ARHGAP18: variants seen among roughly 807,000 people sequenced by gnomAD.
ARHGAP18 encodes rho GTPase-activating protein 18.
A neutral mutation model predicts 86.2 loss-of-function variants in ARHGAP18; 67 were observed. The ratio of observed to expected loss-of-function variants is 0.78; its 90% confidence interval spans 0.64 to 0.95. The LOEUF (loss-of-function observed/expected upper bound fraction) is 0.95. Among genes scored for constraint, ARHGAP18 ranks in the 40% least tolerant of loss-of-function variants. The pLI is 0.00. For synonymous variants in ARHGAP18, 283 were observed against 280.4 expected, an observed-to-expected ratio of 1.01 and a Z score of -0.09; for missense variants, 691 against 780.4, an observed-to-expected ratio of 0.89 and a Z score of 1.37.
intron 7 of ARHGAP18, among the ~76,000 whole-genome samples, chr6:129,613,978 G>T (rs958211168): frequency 6.6e-6 from 1 of 152,114 alleles, no homozygotes; most frequent in African/African-American, 2.4e-5. Flanking sequence ...GGCTGAGTTG[G>T]CTGATTCATT....
intron 1 of ARHGAP18, among the ~76,000 whole-genome samples, chr6:129,652,786 A>T (rs1043680242): frequency 6.6e-6 from 1 of 152,224 alleles, no homozygotes; most frequent in Non-Finnish European, 1.5e-5. Context: ...GTTCATAAAA[A>T]GTTGCTATTG....
In ARHGAP18 at chr6:129,600,677, G is replaced by T; in HGVS notation, c.1537C>A (p.His513Asn). The stretch of plus-strand genomic sequence containing the variant: ...AGTTTTTGGTACTTAATCAATAAGT[G>T]CATGGTATTTGCTGTCCCAGCTGCC... ...VMAAGTANTMHLLIKYQKLLW... is the reference protein window; with the variant it reads ...VMAAGTANTMNLLIKYQKLLW... Residue 513 changes from histidine (H) to asparagine (N), a missense_variant, in exon 11 of 15, where the codon CAC becomes AAC. Physicochemically the swap from His to Asn is moderately conservative, Grantham distance 68. Coordinates refer to ENST00000368149, the MANE Select transcript of ARHGAP18 (RefSeq NM_033515.3). 1.2e-6 allele frequency: 2 copies of T among 1,613,616 alleles called. No homozygotes were observed. Among genetic ancestry groups the T allele is most frequent in the Non-Finnish European group, 1.7e-6 (2 of 1,179,734 alleles).
intron 1 of ARHGAP18, among the ~76,000 whole-genome samples, chr6:129,665,975 A>G (rs1368979652): frequency 2.6e-5 from 4 of 152,156 alleles, no homozygotes; most frequent in Non-Finnish European, 5.9e-5. Context: ...ATCAACTCTG[A>G]TATCTTTGCC....
chr6:129,583,928 C>A (rs577410859), intron 13 of ARHGAP18, 60 bp downstream of exon 13: 2 of 1,450,926 alleles, frequency 1.4e-6, no homozygotes, highest in Non-Finnish European at 1.9e-6. Flanking sequence ...GCAGCGAAGG[C>A]GAGAGAGAGA....
At chr6:129,659,609 A>G (rs1031811544) in intron 1 of ARHGAP18, among the ~76,000 whole-genome samples, 1 of 152,170 alleles carries the variant, frequency 6.6e-6, no homozygotes, top group Non-Finnish European at 1.5e-5. Flanking sequence ...CCAGGATTAC[A>G]GGCACTCGCC....
intron 10 of ARHGAP18, among the ~76,000 whole-genome samples, chr6:129,601,879 C>T (rs1345617007): frequency 6.6e-6 from 1 of 151,818 alleles, no homozygotes; most frequent in East Asian, 1.9e-4. Flanking sequence ...ACTTCCACCT[C>T]ATCCTTCCAA....
chr6:129,643,834 A>G (rs1429798603), intron 1 of ARHGAP18, among the ~76,000 whole-genome samples: 4 of 152,248 alleles, frequency 2.6e-5, no homozygotes, highest in African/African-American at 9.6e-5. Flanking sequence ...TTAATAGTAC[A>G]TAAGGGAGAG....
intron 1 of ARHGAP18, among the ~76,000 whole-genome samples, chr6:129,690,764 A>C (rs961199445): frequency 2.6e-5 from 4 of 152,236 alleles, no homozygotes; most frequent in Non-Finnish European, 4.4e-5. Flanking sequence ...GTCACAATCT[A>C]GAAGATTCAT....
intron 12 of ARHGAP18, among the ~76,000 whole-genome samples, chr6:129,584,848 C>T (rs541213452): frequency 2.0e-5 from 3 of 152,192 alleles, no homozygotes; most frequent in African/African-American, 7.2e-5. Flanking sequence ...AAACAGCACG[C>T]ACAAATCATG....
intron 1 of ARHGAP18, among the ~76,000 whole-genome samples, chr6:129,676,451 C>G (rs1255621263): frequency 6.6e-6 from 1 of 152,030 alleles, no homozygotes; most frequent in Admixed American, 6.6e-5. Context: ...TCAAACTGTC[C>G]AAAAATCAAC....
intron 1 of ARHGAP18, among the ~76,000 whole-genome samples, chr6:129,647,474 T>G (rs1773604227): frequency 6.6e-6 from 1 of 152,204 alleles, no homozygotes; most frequent in South Asian, 2.1e-4. Context: ...TCAGCTTTCT[T>G]GAAGACCTCT....
At chr6:129,689,400 C>A (rs932853349) in intron 1 of ARHGAP18, among the ~76,000 whole-genome samples, 9 of 152,168 alleles carry the variant, frequency 5.9e-5, no homozygotes, top group African/African-American at 1.9e-4. Context: ...TCAAGCAACT[C>A]TCCTGCCTCC....
At chr6:129,689,026 C>T (rs901934631) in intron 1 of ARHGAP18, among the ~76,000 whole-genome samples, 2 of 152,034 alleles carry the variant, frequency 1.3e-5, no homozygotes, top group African/African-American at 4.8e-5. Context: ...CTTTAGCATG[C>T]AAAACGTATG....
At chr6:129,701,756 C>A (rs1007749009) in intron 1 of ARHGAP18, among the ~76,000 whole-genome samples, 1 of 151,762 alleles carries the variant, frequency 6.6e-6, no homozygotes, top group Middle Eastern at 3.4e-3. Flanking sequence ...GGTGACAGAG[C>A]GAGATTCCAT....
intron 1 of ARHGAP18, among the ~76,000 whole-genome samples, chr6:129,657,398 T>C (rs2114515456): frequency 6.6e-6 from 1 of 150,756 alleles, no homozygotes; most frequent in Non-Finnish European, 1.5e-5. Flanking sequence ...GAGCTGGCAT[T>C]TTACACACTC....
chr6:129,598,621 A>AT (rs1562682947), intron 12 of ARHGAP18, among the ~76,000 whole-genome samples: 1 of 152,210 alleles, frequency 6.6e-6, no homozygotes, highest in Admixed American at 6.6e-5. Flanking sequence ...CTCTTACAGT[A>AT]GTTTATAAAT....
intron 12 of ARHGAP18, among the ~76,000 whole-genome samples, chr6:129,590,641 A>T (rs1340460710): frequency 2.0e-5 from 3 of 152,206 alleles, no homozygotes; most frequent in Non-Finnish European, 4.4e-5. Flanking sequence ...CCCAAGCTAC[A>T]AACGGTAGTC....
In ARHGAP18 at chr6:129,580,122, G is replaced by T; in HGVS notation, c.1848C>A (p.Ala616=). ...AAACTTCTCCTTTCTTGAGAGTCTGGGCAACCCCACTATGAGGGACAAAAC... is the reference window on the plus strand; with the variant it reads ...AAACTTCTCCTTTCTTGAGAGTCTGTGCAACCCCACTATGAGGGACAAAAC... ...ARFLSQESGV[A]QTLKKGEVFL... is the part of the protein sequence containing the mutation. Residue 616 remains alanine, a synonymous_variant, in exon 14 of 15, where the codon GCC becomes GCA. Transcript: ENST00000368149. The T allele has an allele frequency of 6.2e-7, 1 of 1,613,560 alleles. No individual in the cohort carries two copies. The highest frequency in any genetic ancestry group is 8.5e-7 in the Non-Finnish European group (1 of 1,179,702).
chr6:129,583,890 CAAAA>C, intron 13 of ARHGAP18, 94 bp downstream of exon 13: 31 of 1,210,464 alleles, frequency 2.6e-5, no homozygotes, highest in Admixed American at 8.5e-5. Flanking sequence ...ACAATTAAAA[CAAAA>C]AAAAAAAAAA....
Sources: gnomAD v4.1 joint callset for allele counts (sites outside exome capture counted in the v4.1 genomes callset) on GRCh38, gnomAD v4.1.1 for gene constraint, MANE v1.5 for transcripts, NCBI Gene and HGNC (gene_info 2026-07-23, HGNC 2026-07-21) for gene names.